Variants in VPS41 observed in about 807,000 individuals in gnomAD.
VPS41 encodes the protein VPS41 subunit of HOPS complex, also known as vacuolar protein sorting-associated protein 41 homolog.
Under a neutral mutation model 130.9 loss-of-function variants are expected in VPS41, and 85 were observed. The ratio of observed to expected loss-of-function variants is 0.65; its 90% CI spans 0.55 to 0.78. The LOEUF is 0.78. Ranked by LOEUF, VPS41 falls within the 30% of genes least tolerant of loss-of-function variation. The pLI, the probability that VPS41 is intolerant of heterozygous loss-of-function variation, is 0.00. For missense variants in VPS41, 874 were observed against 1,018.7 expected (o/e 0.86, Z 1.93); for synonymous variants, 335 against 332.9 (o/e 1.01, Z -0.07).
chr7:38,740,315 A>T (rs563853381), intron 25 of VPS41, among the ~76,000 whole-genome samples: 1 of 152,158 alleles, frequency 6.6e-6, no homozygotes, highest in Non-Finnish European at 1.5e-5. Context: ...GCTCACTCAC[A>T]CTCAGAGGCT....
At chr7:38,832,204 T>C (rs78339269) in intron 4 of VPS41, among the ~76,000 whole-genome samples, 5,350 of 152,116 alleles carry the variant, frequency 0.035, 152 homozygotes, top group East Asian at 0.12. Flanking sequence ...TTTTAGGGTA[T>C]GAGGTATATT....
At chr7:38,829,834 G>A (rs1439124145) in intron 5 of VPS41, among the ~76,000 whole-genome samples, 1 of 152,140 alleles carries the variant, frequency 6.6e-6, no homozygotes, top group African/African-American at 2.4e-5. Flanking sequence ...TAATTCAAGA[G>A]AAACATTCAT....
At chr7:38,727,134 A>C (rs1165987887) in intron 27 of VPS41, 146 bp from the exon 28 acceptor site, 29 of 601,712 alleles carry the variant, frequency 4.8e-5, no homozygotes, top group Non-Finnish European at 1.3e-5. Flanking sequence ...AGCATTCCTG[A>C]GGGGTGGTAT....
chr7:38,791,523 C>T (rs1334081436), intron 9 of VPS41, among the ~76,000 whole-genome samples: 2 of 152,034 alleles, frequency 1.3e-5, no homozygotes, highest in African/African-American at 2.4e-5. Flanking sequence ...TGAAGTGTGA[C>T]AGGGAAGTAC....
intron 22 of VPS41, among the ~76,000 whole-genome samples, chr7:38,748,326 C>T (rs1466143527): frequency 6.6e-6 from 1 of 152,004 alleles, no homozygotes; most frequent in Non-Finnish European, 1.5e-5. Context: ...TTTAATTCTC[C>T]TCTTTCTGAT....
chr7:38,752,977 T>C (rs28548028), intron 21 of VPS41, among the ~76,000 whole-genome samples: 99,835 of 151,532 alleles, frequency 0.66, 33,794 homozygotes, highest in Admixed American at 0.79. Flanking sequence ...GAAACAGTTT[T>C]CAAAACTGAT....
intron 7 of VPS41, among the ~76,000 whole-genome samples, chr7:38,798,046 T>C (rs961465406): frequency 2.6e-5 from 4 of 152,048 alleles, no homozygotes; most frequent in African/African-American, 9.7e-5. Context: ...TCAGAGACCT[T>C]CTAACCCACC....
intron 25 of VPS41, among the ~76,000 whole-genome samples, chr7:38,731,066 C>G (rs994813454): frequency 2.0e-5 from 3 of 152,230 alleles, no homozygotes; most frequent in African/African-American, 4.8e-5. Context: ...ACAAATACAG[C>G]TTACTGCTAT....
intron 22 of VPS41, among the ~76,000 whole-genome samples, chr7:38,746,724 T>G (rs1195686604): frequency 6.6e-6 from 1 of 152,140 alleles, no homozygotes; most frequent in Admixed American, 6.6e-5. Flanking sequence ...CCACTCAGAC[T>G]TAAAGCTGAG....
chr7:38,806,303 G>A (rs1784836693), intron 7 of VPS41, among the ~76,000 whole-genome samples: 1 of 152,178 alleles, frequency 6.6e-6, no homozygotes, highest in Non-Finnish European at 1.5e-5. Flanking sequence ...AGGAACAGAT[G>A]AAAGGCCAAA....
In VPS41 at chr7:38,899,501, T is replaced by C. The variant is rs188382193; in HGVS notation, c.22-1372A>G. ...TGCACTCACCATCACAGTTCCTGGTTTTAGTCCTCTTACTGTACTGATCCT... is the reference window on the plus strand; with the variant it reads ...TGCACTCACCATCACAGTTCCTGGTCTTAGTCCTCTTACTGTACTGATCCT... On this transcript the variant is annotated intron_variant, in intron 1 of 28. Coordinates refer to ENST00000310301, the MANE Select transcript of VPS41 (RefSeq NM_014396.4). 2.4e-3 allele frequency among the ~76,000 whole-genome samples: 361 copies of C among 152,376 alleles called. 2 individuals carry two copies. Among genetic ancestry groups the C allele is most frequent in the Non-Finnish European group, 3.8e-3 (260 of 68,034 alleles).
chr7:38,892,262 GT>G (rs1451643398), intron 2 of VPS41, among the ~76,000 whole-genome samples: 1 of 152,094 alleles, frequency 6.6e-6, no homozygotes, highest in Non-Finnish European at 1.5e-5. Context: ...ATAACTAGAG[GT>G]TGGAGCCTCG....
intron 12 of VPS41, among the ~76,000 whole-genome samples, chr7:38,772,863 C>T (rs765240477): frequency 1.7e-4 from 25 of 150,970 alleles, no homozygotes; most frequent in Non-Finnish European, 2.4e-4. Flanking sequence ...AAATACTTGA[C>T]CAAAAAGCAA....
intron 4 of VPS41, among the ~76,000 whole-genome samples, chr7:38,838,649 G>A (rs1414235968): frequency 1.3e-5 from 2 of 152,176 alleles, no homozygotes; most frequent in African/African-American, 4.8e-5. Flanking sequence ...CGAGTAAGCA[G>A]GAGGGGGCAA....
chr7:38,824,868 C>T (rs1267099061), intron 5 of VPS41, among the ~76,000 whole-genome samples: 5 of 152,028 alleles, frequency 3.3e-5, no homozygotes, highest in African/African-American at 1.2e-4. Context: ...GAGATGTAAA[C>T]AAATGATGCA....
intron 7 of VPS41, among the ~76,000 whole-genome samples, chr7:38,801,463 G>T (rs889597819): frequency 6.6e-6 from 1 of 152,018 alleles, no homozygotes; most frequent in Non-Finnish European, 1.5e-5. Context: ...ATATTTTGTG[G>T]ATGAAAAATA....
intron 11 of VPS41, among the ~76,000 whole-genome samples, chr7:38,774,631 A>C (rs1784222483): frequency 6.6e-6 from 1 of 152,146 alleles, no homozygotes; most frequent in Non-Finnish European, 1.5e-5. Context: ...TAGCAAAATA[A>C]AAAAATATTT....
intron 28 of VPS41, among the ~76,000 whole-genome samples, chr7:38,726,679 G>C (rs1795551180): frequency 6.6e-6 from 1 of 152,204 alleles, no homozygotes; most frequent in Admixed American, 6.5e-5. Flanking sequence ...AACTGGGCCT[G>C]AATGAATTCC....
intron 25 of VPS41, among the ~76,000 whole-genome samples, chr7:38,736,684 C>T (rs960096671): frequency 6.6e-6 from 1 of 152,178 alleles, no homozygotes; most frequent in Non-Finnish European, 1.5e-5. Context: ...TAGATAGTCC[C>T]TTTTTATCCA....
Sources: gnomAD v4.1 joint callset for allele counts (sites outside exome capture counted in the v4.1 genomes callset) on GRCh38, gnomAD v4.1.1 for gene constraint, MANE v1.5 for transcripts, NCBI Gene and HGNC (gene_info 2026-07-23, HGNC 2026-07-21) for gene names.